The following HOPX variants were observed in gnomAD, a reference collection of about 807,000 sequenced individuals.
HOPX encodes homeodomain-only protein.
A neutral mutation model predicts 11.8 loss-of-function variants in HOPX; 5 were observed. The observed-to-expected ratio is 0.43, with a 90% confidence interval of 0.22 to 0.89. The LOEUF (loss-of-function observed/expected upper bound fraction) is 0.89, where lower values mean the gene tolerates loss of function less well. Among genes scored for constraint, HOPX ranks in the 40% least tolerant of loss-of-function variants. The pLI, the probability that HOPX is intolerant of heterozygous loss-of-function variation, is 0.28. For synonymous variants in HOPX, 49 were observed against 49.7 expected, an observed-to-expected ratio of 0.99 and a Z score of 0.06; for missense variants, 119 against 120.0, an observed-to-expected ratio of 0.99 and a Z score of 0.04.
intron 2 of HOPX, chr4:56,656,258 T>A (rs920326536): frequency 2.6e-6 from 3 of 1,167,264 alleles, no homozygotes; most frequent in Middle Eastern, 3.5e-4. Context: ...GTCCTGCGCC[T>A]CCCGCGCCCC....
At chr4:56,664,101 T>A (rs1718299456) in intron 1 of HOPX, 1 of 152,126 alleles carries the variant, frequency 6.6e-6, no homozygotes, top group African/African-American at 2.4e-5. Flanking sequence ...ATAGGGAACA[T>A]GTCTCTCAAC....
At chr4:56,676,784 G>T (rs371115929) in intron 1 of HOPX, among the ~76,000 whole-genome samples, 1 of 151,542 alleles carries the variant, frequency 6.6e-6, no homozygotes, top group Non-Finnish European at 1.5e-5. Flanking sequence ...TCTGGGCTCC[G>T]ACTGCCTGCA....
At chr4:56,660,846 A>G (rs1239446985) in intron 1 of HOPX, among the ~76,000 whole-genome samples, 1 of 152,176 alleles carries the variant, frequency 6.6e-6, no homozygotes, top group Non-Finnish European at 1.5e-5. Context: ...CATTACCAAG[A>G]CTATGGAAGC....
chr4:56,660,801 A>T (rs991229905), intron 1 of HOPX, among the ~76,000 whole-genome samples: 2 of 152,236 alleles, frequency 1.3e-5, no homozygotes, highest in Non-Finnish European at 2.9e-5. Context: ...AATTAAATAA[A>T]CACTGGTGAA....
At chr4:56,651,867 A>AGTGTGTGTGTTTGT (rs1357851813) in intron 3 of HOPX, among the ~76,000 whole-genome samples, 38 of 128,434 alleles carry the variant, frequency 3.0e-4, no homozygotes, top group African/African-American at 1.1e-3. Context: ...AAAGAGAGAG[A>AGTGTGTGTGTTTGT]GAGAGAGTGT....
In HOPX at chr4:56,657,778, T is replaced by C; in HGVS notation, c.39A>G (p.Glu13=). 2 of 1,223,124 alleles carry C rather than the reference T, an allele frequency of 1.6e-6. No individual in the cohort carries two copies. The highest frequency in any genetic ancestry group is 2.4e-6 in the Non-Finnish European group (2 of 846,652). 75.8% of individuals were successfully genotyped at this position (1,223,124 alleles called of 1,614,324 possible). ...TGGGAAGAACCTTGGAAATTACCTC[T>C]TCCAGTCTTCTTCTGTAACAGCCCA... ...IFLGCYRRRL[E]ERAGTMSAET... Residue 13 remains glutamate, a synonymous_variant, in exon 2 of 4, where the codon GAA becomes GAG. Transcript: ENST00000420433.
chr4:56,671,192 C>G (rs559890078), intron 1 of HOPX, among the ~76,000 whole-genome samples: 7 of 151,994 alleles, frequency 4.6e-5, no homozygotes, highest in African/African-American at 1.7e-4. Context: ...AAAATATATG[C>G]TGGGTTCTAC....
At chr4:56,656,322 G>C in intron 2 of HOPX, 1 of 1,086,254 alleles carries the variant, frequency 9.2e-7, no homozygotes, top group Non-Finnish European at 1.1e-6. Context: ...CGAGATAGAT[G>C]ATTCCGCGGG....
chr4:56,676,318 A>G (rs1283937860), intron 1 of HOPX, among the ~76,000 whole-genome samples: 3 of 151,492 alleles, frequency 2.0e-5, no homozygotes, highest in Non-Finnish European at 2.9e-5. Flanking sequence ...AAGTCTAAGG[A>G]AGCCATCAAC....
At chr4:56,658,640 G>T (rs1421074069) in intron 1 of HOPX, among the ~76,000 whole-genome samples, 1 of 152,190 alleles carries the variant, frequency 6.6e-6, no homozygotes, top group Non-Finnish European at 1.5e-5. Flanking sequence ...AAATCAAACT[G>T]CCTGGGTAAC....
intron 3 of HOPX, among the ~76,000 whole-genome samples, chr4:56,653,788 G>T (rs1717427390): frequency 6.6e-6 from 1 of 152,176 alleles, no homozygotes; most frequent in South Asian, 2.1e-4. Context: ...GGCAGAAGGG[G>T]GGAAATGGGA....
Position 56,648,637 on chromosome 4 carries a change from A to G in HOPX, c.*83T>C, listed in dbSNP as rs1716869462. On this transcript the variant is annotated 3_prime_UTR_variant, in exon 4 of 4. Coordinates refer to ENST00000420433, the MANE Select transcript of HOPX (RefSeq NM_032495.6). ...CAATGGAACATACAACACTATGCTG[A>G]AAAACCACAACAGCTTGGTTAAGCG... 3 of 1,037,814 alleles carry G rather than the reference A, an allele frequency of 2.9e-6. No homozygotes were observed. In the East Asian group the frequency reaches 7.2e-5, roughly 25 times the overall value. 64.3% of individuals were successfully genotyped at this position (1,037,814 alleles called of 1,614,324 possible). A position where few individuals can be genotyped will look rare whatever the true frequency, so the allele number is the denominator to read the frequency against.
chr4:56,660,365 A>AAAAT (rs1718043516), intron 1 of HOPX, among the ~76,000 whole-genome samples: 1 of 152,236 alleles, frequency 6.6e-6, no homozygotes. Flanking sequence ...TCTAAATAGG[A>AAAAT]AAATGCATTT....
intron 1 of HOPX, among the ~76,000 whole-genome samples, chr4:56,658,849 T>C (rs971644668): frequency 2.6e-5 from 4 of 152,250 alleles, no homozygotes; most frequent in African/African-American, 9.6e-5. Context: ...CCTGTGGTTA[T>C]ATTTTTCCTT....
chr4:56,664,334 C>A (rs963378394), intron 1 of HOPX: 1 of 150,218 alleles, frequency 6.7e-6, no homozygotes, highest in African/African-American at 2.5e-5. Context: ...CAGTGTTTTG[C>A]CATGTTGACC....
Position 56,657,810 on chromosome 4 carries a change from T to C in HOPX, c.7A>G (p.Ile3Val), listed in dbSNP as rs747764961. The change falls in exon 2 of 4, where the codon ATT (isoleucine) becomes GTT (valine). Residue 3 changes from isoleucine (I) to valine (V), a missense_variant. Transcript: ENST00000420433. Reference sequence around the variant, plus strand: ...CTTCTTCTGTAACAGCCCAGGAAAATGAGCATAGGAAGACTAACTTTCTGA... The same window carrying C: ...CTTCTTCTGTAACAGCCCAGGAAAACGAGCATAGGAAGACTAACTTTCTGA... ML[I>V]FLGCYRRRLE... 8.4e-6 allele frequency: 12 copies of C among 1,433,226 alleles called. No individual in the cohort carries two copies. In the African/African-American group the frequency reaches 1.6e-4, roughly 19 times the overall value. 88.8% of individuals were successfully genotyped at this position (1,433,226 alleles called of 1,614,324 possible). A position where few individuals can be genotyped will look rare whatever the true frequency, so the allele number is the denominator to read the frequency against.
chr4:56,661,736 C>T (rs1434680351), intron 1 of HOPX, among the ~76,000 whole-genome samples: 2 of 152,160 alleles, frequency 1.3e-5, no homozygotes. Flanking sequence ...CTAAAAGTTT[C>T]CACATGTTTA....
intron 1 of HOPX, among the ~76,000 whole-genome samples, chr4:56,671,821 G>A (rs1014012537): frequency 3.3e-5 from 5 of 152,032 alleles, no homozygotes; most frequent in East Asian, 1.9e-4. Context: ...CAGAAGACCC[G>A]GAGTCTCCTT....
intron 3 of HOPX, chr4:56,650,711 G>A (rs1717084582): frequency 3.9e-6 from 6 of 1,551,628 alleles, no homozygotes; most frequent in Non-Finnish European, 5.2e-6. Flanking sequence ...GTAGAGAAAA[G>A]TAATCGAAAG....
Sources: allele counts gnomAD v4.1 joint callset (sites outside exome capture counted in the v4.1 genomes callset), GRCh38; gene constraint gnomAD v4.1.1; transcripts MANE v1.5; gene names NCBI Gene and HGNC (gene_info 2026-07-23, HGNC 2026-07-21).